The following PCDH15 variants were observed in gnomAD, a reference collection of about 807,000 sequenced individuals.
PCDH15 encodes protocadherin related 15, also known as protocadherin-15.
Under a neutral mutation model 178.5 loss-of-function variants are expected in PCDH15, and 129 were observed. The ratio of observed to expected loss-of-function variants is 0.72; its 90% CI spans 0.63 to 0.84. The LOEUF (loss-of-function observed/expected upper bound fraction) is 0.84. PCDH15 is among the 40% of genes least tolerant of loss of function. The pLI is 0.00. For missense variants in PCDH15, 2,230 were observed against 2,099.9 expected (o/e 1.06, Z -1.21); for synonymous variants, 800 against 732.0 (o/e 1.09, Z -1.50).
intron 2 of PCDH15, among the ~76,000 whole-genome samples, chr10:54,632,463 G>T (rs149427615): frequency 6.6e-6 from 1 of 151,898 alleles, no homozygotes; most frequent in Admixed American, 6.6e-5. Flanking sequence ...ATAAATCTTC[G>T]ATTGGCATGA....
At chr10:54,405,308 G>T (rs1460684374) in intron 3 of PCDH15, among the ~76,000 whole-genome samples, 2 of 151,932 alleles carry the variant, frequency 1.3e-5, no homozygotes, top group Non-Finnish European at 2.9e-5. Flanking sequence ...AACCAAACTT[G>T]GAATGCGGTA....
chr10:55,356,355 T>C (rs530975459), intron 2 of PCDH15, among the ~76,000 whole-genome samples: 11 of 151,674 alleles, frequency 7.3e-5, no homozygotes, highest in Non-Finnish European at 1.2e-4. Flanking sequence ...AAGAGAATAA[T>C]AGTTTACAGT....
In PCDH15 at chr10:54,901,541, C is replaced by T. The variant is rs566605297; in HGVS notation, c.-79-4041G>A. On this transcript the variant is annotated intron_variant, in intron 2 of 5. Transcript: ENST00000458638. ...GCCTTATATTTTAGCAACTGACATACACACATATATTTATTTCATGACCAC... is the reference window on the plus strand; with the variant it reads ...GCCTTATATTTTAGCAACTGACATATACACATATATTTATTTCATGACCAC... Among the ~76,000 whole-genome samples, 7 of 152,240 alleles carry T rather than the reference C, an allele frequency of 4.6e-5. No homozygotes were observed. In the South Asian group the frequency reaches 1.2e-3, roughly 27 times the overall value.
At chr10:54,732,825 C>T (rs1392334369) in intron 1 of PCDH15, among the ~76,000 whole-genome samples, 2 of 151,422 alleles carry the variant, frequency 1.3e-5, no homozygotes, top group Non-Finnish European at 3.0e-5. Context: ...ATATACAAAA[C>T]ATACTACATC....
chr10:55,075,553 C>T (rs950772672), intron 2 of PCDH15, among the ~76,000 whole-genome samples: 7 of 151,474 alleles, frequency 4.6e-5, no homozygotes, highest in Non-Finnish European at 7.4e-5. Context: ...TTAGTAGAGA[C>T]GGGGTTTCAC....
At chr10:54,240,698 C>G (rs1042456768) in intron 8 of PCDH15, among the ~76,000 whole-genome samples, 2 of 130,498 alleles carry the variant, frequency 1.5e-5, no homozygotes, top group Admixed American at 9.6e-5. Flanking sequence ...GTGGCGCGAT[C>G]CCGGCTCACT....
rs556465972 is a variant in PCDH15, at chr10:53,824,764, C to G, written c.4367+2629G>C. ...CGTGGTTTGATTTCTCTTGGTAAAGCACCCAATGGATATAACAATATCACA... is the reference window on the plus strand; with the variant it reads ...CGTGGTTTGATTTCTCTTGGTAAAGGACCCAATGGATATAACAATATCACA... On this transcript the variant is annotated intron_variant, in intron 32 of 37. Transcript: ENST00000644397. Among the ~76,000 whole-genome samples, 78 of 152,112 alleles carry G rather than the reference C, an allele frequency of 5.1e-4. 2 individuals are homozygous for G. The South Asian group carries it at 0.016, about 31-fold the overall frequency.
At chr10:55,262,640 G>A (rs1842175920) in intron 1 of PCDH15, among the ~76,000 whole-genome samples, 2 of 152,130 alleles carry the variant, frequency 1.3e-5, no homozygotes, top group African/African-American at 4.8e-5. Flanking sequence ...CGGCCACTGA[G>A]CAGCCCGACT....
intron 2 of PCDH15, among the ~76,000 whole-genome samples, chr10:55,520,299 GTATATATA>G (rs750692237): frequency 1.4e-5 from 1 of 71,540 alleles, no homozygotes; most frequent in East Asian, 4.5e-4. Context: ...CACGCAATAT[GTATATATA>G]TATATATACA....
intron 16 of PCDH15, among the ~76,000 whole-genome samples, chr10:54,080,138 C>A (rs1001482619): frequency 1.3e-5 from 2 of 151,842 alleles, no homozygotes; most frequent in African/African-American, 4.8e-5. Flanking sequence ...TTGTTTAAAA[C>A]CCCTTTTGTG....
intron 2 of PCDH15, among the ~76,000 whole-genome samples, chr10:55,554,152 T>C (rs968142207): frequency 6.6e-6 from 1 of 151,988 alleles, no homozygotes; most frequent in Non-Finnish European, 1.5e-5. Flanking sequence ...ATCTAATAAT[T>C]CTGAAGCAAT....
At chr10:55,528,997 A>T (rs1841381378) in intron 2 of PCDH15, among the ~76,000 whole-genome samples, 1 of 151,808 alleles carries the variant, frequency 6.6e-6, no homozygotes, top group African/African-American at 2.4e-5. Context: ...GCATTTTTTC[A>T]TGTGTTTTTT....
chr10:54,855,650 A>T (rs2131773937), intron 3 of PCDH15, among the ~76,000 whole-genome samples: 1 of 152,296 alleles, frequency 6.6e-6, no homozygotes, highest in Admixed American at 6.5e-5. Context: ...TTAGTCCTGA[A>T]TTGTGATTAT....
intron 1 of PCDH15, among the ~76,000 whole-genome samples, chr10:54,737,363 G>T (rs1006408547): frequency 1.3e-5 from 2 of 152,024 alleles, no homozygotes; most frequent in Admixed American, 1.3e-4. Context: ...CTACAAAATG[G>T]TGTATACATC....
At chr10:54,547,521 G>A (rs2085998390) in intron 2 of PCDH15, among the ~76,000 whole-genome samples, 1 of 152,092 alleles carries the variant, frequency 6.6e-6, no homozygotes, top group Non-Finnish European at 1.5e-5. Context: ...TTTTAGGGCT[G>A]TATAAAATAG....
intron 15 of PCDH15, among the ~76,000 whole-genome samples, chr10:54,112,498 A>G (rs1038318702): frequency 6.6e-6 from 1 of 152,164 alleles, no homozygotes; most frequent in African/African-American, 2.4e-5. Flanking sequence ...AAAACAACAC[A>G]TAGTTTTTGA....
At chr10:55,585,349 T>C (rs1009931448) in intron 2 of PCDH15, among the ~76,000 whole-genome samples, 2 of 152,170 alleles carry the variant, frequency 1.3e-5, no homozygotes, top group Non-Finnish European at 2.9e-5. Context: ...TTTCATTAGA[T>C]GCCAAACTTC....
intron 1 of PCDH15, among the ~76,000 whole-genome samples, chr10:54,685,946 A>ATAAAACTTT (rs375376336): frequency 6.6e-6 from 1 of 152,170 alleles, no homozygotes; most frequent in African/African-American, 2.4e-5. Flanking sequence ...TGTATATAAA[A>ATAAAACTTT]TATGTGTGTG....
intron 2 of PCDH15, among the ~76,000 whole-genome samples, chr10:55,392,379 A>G (rs1837815265): frequency 6.6e-6 from 1 of 152,150 alleles, no homozygotes; most frequent in Admixed American, 6.5e-5. Flanking sequence ...ATTTTATGTT[A>G]TTATGGTGCA....
Sources: allele counts gnomAD v4.1 joint callset (sites outside exome capture counted in the v4.1 genomes callset), GRCh38; gene constraint gnomAD v4.1.1; transcripts MANE v1.5; gene names NCBI Gene and HGNC (gene_info 2026-07-23, HGNC 2026-07-21).